Variants in GLG1 observed in about 807,000 individuals in gnomAD.
The protein encoded by GLG1 is Golgi apparatus protein 1.
In GLG1, 38 loss-of-function variants were observed where a neutral mutation model predicts 160.5. That is an observed-to-expected ratio of 0.24 (90% CI 0.18 to 0.31). The LOEUF (loss-of-function observed/expected upper bound fraction) is 0.31, where lower values mean the gene tolerates loss of function less well. Among genes scored for constraint, GLG1 ranks in the 10% least tolerant of loss-of-function variants. The pLI is 1.00. For missense variants in GLG1, 1,373 were observed against 1,505.2 expected, an observed-to-expected ratio of 0.91 and a Z score of 1.45; for synonymous variants, 644 against 543.4, an observed-to-expected ratio of 1.19 and a Z score of -2.57.
chr16:74,480,156 A>G (rs2015546580), intron 11 of GLG1, 85 bp downstream of exon 11: 2 of 1,134,020 alleles, frequency 1.8e-6, no homozygotes, highest in South Asian at 2.6e-5. Flanking sequence ...TTTTCCTAAT[A>G]TGACTGAAAT....
intron 12 of GLG1, among the ~76,000 whole-genome samples, chr16:74,475,813 G>A (rs908513344): frequency 6.6e-6 from 1 of 152,142 alleles, no homozygotes. Context: ...GGAAGAAGAA[G>A]AAGAAATAAA....
At position 74,485,288 on chromosome 16, in the gene GLG1, C is replaced by G. The variant is rs1402935127; in HGVS notation, c.1571+508G>C. 5.9e-5 allele frequency among the ~76,000 whole-genome samples: 9 copies of G among 152,314 alleles called. No homozygotes were observed. The East Asian group carries it at 1.7e-3, about 29-fold the overall frequency. ...TTAATATAGCATTTATTCAGCTTTT[C>G]TAGATCTTGGTTGCAACTTTAGTAT... On this transcript the variant is annotated intron_variant, in intron 9 of 25. Transcript: ENST00000422840.
intron 4 of GLG1, among the ~76,000 whole-genome samples, chr16:74,503,203 T>C (rs1003725772): frequency 6.6e-6 from 1 of 151,610 alleles, no homozygotes. Context: ...GGAGACTCTG[T>C]TTCAAAAAAA....
Position 74,452,161 on chromosome 16 carries a change from T to C in GLG1, c.*1006A>G. On this transcript the variant is annotated 3_prime_UTR_variant, in exon 26 of 26. Transcript: ENST00000422840. ...AAAATAAAGCAAAGTGAGTCAAACCTCTGGCTCCCACTTCCTGACCCACTG... is the reference window on the plus strand; with the variant it reads ...AAAATAAAGCAAAGTGAGTCAAACCCCTGGCTCCCACTTCCTGACCCACTG... The C allele has an allele frequency of 6.2e-7, 1 of 1,612,066 alleles. No homozygotes were observed. Among genetic ancestry groups the C allele is most frequent in the South Asian group, 1.1e-5 (1 of 90,882 alleles).
At chr16:74,514,673 C>T (rs2016923100) in intron 2 of GLG1, among the ~76,000 whole-genome samples, 1 of 152,160 alleles carries the variant, frequency 6.6e-6, no homozygotes, top group South Asian at 2.1e-4. Flanking sequence ...CCGGTACCAG[C>T]CACTGCAAAA....
chr16:74,596,175 T>C (rs898886259), intron 1 of GLG1, among the ~76,000 whole-genome samples: 7 of 152,166 alleles, frequency 4.6e-5, no homozygotes, highest in Non-Finnish European at 8.8e-5. Flanking sequence ...CATTTTGAGA[T>C]CATGCCACTG....
At chr16:74,601,268 G>C (rs1958432444) in intron 1 of GLG1, among the ~76,000 whole-genome samples, 1 of 151,964 alleles carries the variant, frequency 6.6e-6, no homozygotes, top group Admixed American at 6.6e-5. Context: ...ATATAAGTTA[G>C]ACAGCAGAGA....
intron 10 of GLG1, 120 bp from the exon 11 acceptor site, chr16:74,480,514 G>A (rs1466872775): frequency 1.1e-5 from 7 of 618,370 alleles, no homozygotes; most frequent in African/African-American, 1.9e-5. Flanking sequence ...CCAGGGGCGT[G>A]GAGACAGAAG....
At position 74,605,353 on chromosome 16, in the gene GLG1, G is replaced by C. The variant is rs183186919; in HGVS notation, c.438+1304C>G. ...TTGCCACTTTCCCTAATAATGTGCT[G>C]TTTCTACCACAAACTACTACTAATT... is the stretch of plus-strand genomic sequence containing the variant. On this transcript the variant is annotated intron_variant, in intron 1 of 25. Transcript: ENST00000422840. Among the ~76,000 whole-genome samples, 39 of 152,254 alleles carry C rather than the reference G, an allele frequency of 2.6e-4. No individual in the cohort carries two copies. In the Middle Eastern group the frequency reaches 0.01, roughly 40 times the overall value.
intron 1 of GLG1, among the ~76,000 whole-genome samples, chr16:74,571,372 T>C (rs2018822061): frequency 6.6e-6 from 1 of 152,140 alleles, no homozygotes; most frequent in African/African-American, 2.4e-5. Context: ...GTAGTTGTTG[T>C]TCTTGAGTCA....
chr16:74,588,353 G>GTAA (rs1389277039), intron 1 of GLG1, among the ~76,000 whole-genome samples: 1 of 152,166 alleles, frequency 6.6e-6, no homozygotes, highest in African/African-American at 2.4e-5. Context: ...AAGCAATGTG[G>GTAA]TAACATGGAA....
At chr16:74,498,023 A>T (rs2143421689) in intron 4 of GLG1, among the ~76,000 whole-genome samples, 1 of 152,340 alleles carries the variant, frequency 6.6e-6, no homozygotes, top group East Asian at 1.9e-4. Context: ...TTCATGCAAA[A>T]TATGAGATAG....
chr16:74,540,092 AT>A (rs56930791), intron 1 of GLG1, among the ~76,000 whole-genome samples: 78 of 840 alleles, frequency 0.093, 38 homozygotes, highest in Non-Finnish European at 0.72. Flanking sequence ...TTATATATAT[AT>A]TATATATATT....
Position 74,542,716 on chromosome 16 carries a change from G to GGGAAGGAAGGAA in GLG1, c.439-10575_439-10564dup, listed in dbSNP as rs1232680624. Among the ~76,000 whole-genome samples the GGGAAGGAAGGAA allele has an allele frequency of 1.0e-4, 3 of 29,784 alleles. 1 individual carries two copies. The highest frequency in any genetic ancestry group is 1.9e-4 in the Non-Finnish European group (3 of 15,830). The allele number at this position is 29,784 out of a possible 152,430, so 19.5% of individuals were successfully genotyped here. The stretch of plus-strand genomic sequence containing the variant: ...AAGGAGGGAGGGAGGAAGGGAAGAA[G>GGGAAGGAAGGAA]GGAAGGAAGGAAGGAAGGGAGGAAG... On this transcript the variant is annotated intron_variant, in intron 1 of 25. Coordinates refer to ENST00000422840, the MANE Select transcript of GLG1 (RefSeq NM_001145667.2).
chr16:74,468,011 A>G lies in GLG1; in HGVS notation c.2437-163T>C, dbSNP rs2015061410. ...ATCAGGCTTTACTTTCAATTCTGTC[A>G]CCAAATAGCTGCATGGCCTTGGACC... On this transcript the variant is annotated intron_variant, in intron 17 of 25. Transcript: ENST00000422840. 5.2e-6 allele frequency: 3 copies of G among 576,164 alleles called. No individual in the cohort carries two copies. The Admixed American group carries it at 9.8e-5, about 19-fold the overall frequency. The allele number at this position is 576,164 out of a possible 1,614,324, so 35.7% of individuals were successfully genotyped here. A position where few individuals can be genotyped will look rare whatever the true frequency, so the allele number is the denominator to read the frequency against.
At chr16:74,598,470 G>C (rs1056448609) in intron 1 of GLG1, among the ~76,000 whole-genome samples, 2 of 150,470 alleles carry the variant, frequency 1.3e-5, no homozygotes, top group African/African-American at 2.5e-5. Context: ...GCAGTGAGCC[G>C]AGATCGCGCC....
intron 2 of GLG1, among the ~76,000 whole-genome samples, chr16:74,522,153 G>C (rs2017184675): frequency 6.6e-6 from 1 of 152,218 alleles, no homozygotes; most frequent in Admixed American, 6.5e-5. Flanking sequence ...AAATTAAGAA[G>C]TTAATAGAAT....
chr16:74,567,549 A>ACTTT (rs1245191651), intron 1 of GLG1, among the ~76,000 whole-genome samples: 1 of 136,514 alleles, frequency 7.3e-6, no homozygotes, highest in Non-Finnish European at 1.5e-5. Flanking sequence ...TATATGGTGC[A>ACTTT]CTTTCTTTTT....
At chr16:74,553,847 G>A (rs1398812370) in intron 1 of GLG1, among the ~76,000 whole-genome samples, 6 of 152,048 alleles carry the variant, frequency 3.9e-5, no homozygotes, top group Admixed American at 3.9e-4. Flanking sequence ...TATCATTTTG[G>A]TCTTCTTGTG....
Sources: gnomAD v4.1 joint callset for allele counts (sites outside exome capture counted in the v4.1 genomes callset) on GRCh38, gnomAD v4.1.1 for gene constraint, MANE v1.5 for transcripts, NCBI Gene and HGNC (gene_info 2026-07-23, HGNC 2026-07-21) for gene names.